The following PRKCA variants were observed in gnomAD, a reference collection of about 807,000 sequenced individuals.
PRKCA encodes protein kinase C alpha.
PRKCA carries 27 observed loss-of-function variants against 87.0 expected under a neutral mutation model. The observed-to-expected ratio is 0.31, with a 90% CI of 0.23 to 0.43. The LOEUF (loss-of-function observed/expected upper bound fraction) is 0.43. PRKCA is among the 20% of genes least tolerant of loss of function. The probability of loss-of-function intolerance (pLI) is 1.00; values close to 1 mark genes in which losing one functional copy is unlikely to be tolerated. For missense variants in PRKCA, 518 were observed against 852.3 expected (o/e 0.61, Z 4.88); for synonymous variants, 329 against 311.1 (o/e 1.06, Z -0.61).
rs201635663 is a variant in PRKCA, at chr17:66,652,573, G to A, written c.529+7062G>A. On this transcript the variant is annotated intron_variant, in intron 5 of 16. Coordinates refer to ENST00000413366, the MANE Select transcript of PRKCA (RefSeq NM_002737.3). ...CAGAAATCTGAAAATAGGACCAGGC[G>A]GGGGTTGGGGCCAAGAAGAGAGCGT... Among the ~76,000 whole-genome samples the A allele has an allele frequency of 7.2e-5, 11 of 152,218 alleles. No homozygotes were observed. The East Asian group carries it at 1.5e-3, about 21-fold the overall frequency.
chr17:66,779,551 A>G (rs1328003550), intron 14 of PRKCA, among the ~76,000 whole-genome samples: 1 of 152,120 alleles, frequency 6.6e-6, no homozygotes, highest in East Asian at 1.9e-4. Flanking sequence ...CCAGGGGAGC[A>G]TGCCTAGCCC....
At chr17:66,554,391 G>A (rs1598764151) in intron 3 of PRKCA, 1 of 258,982 alleles carries the variant, frequency 3.9e-6, no homozygotes, top group East Asian at 1.8e-4. Flanking sequence ...TGACCCAGAA[G>A]ATTTTTAGAG....
At chr17:66,423,040 G>A (rs548524691) in intron 2 of PRKCA, among the ~76,000 whole-genome samples, 2 of 152,266 alleles carry the variant, frequency 1.3e-5, no homozygotes, top group Non-Finnish European at 2.9e-5. Context: ...GAACCAGGGA[G>A]GTGGAGGTTG....
chr17:66,381,845 T>G (rs958126979), intron 2 of PRKCA, among the ~76,000 whole-genome samples: 1 of 152,152 alleles, frequency 6.6e-6, no homozygotes, highest in Non-Finnish European at 1.5e-5. Context: ...ATGTGGCCAG[T>G]CAAAATAGGA....
chr17:66,776,252 G>A (rs908696713), intron 14 of PRKCA, among the ~76,000 whole-genome samples: 7 of 152,202 alleles, frequency 4.6e-5, no homozygotes, highest in African/African-American at 1.7e-4. Context: ...CTCCTCAGAA[G>A]AAAGAATTTG....
intron 3 of PRKCA, among the ~76,000 whole-genome samples, chr17:66,527,451 A>G (rs1567877240): frequency 6.6e-6 from 1 of 152,172 alleles, no homozygotes; most frequent in Non-Finnish European, 1.5e-5. Context: ...CTTTATTATT[A>G]ATGTTTTGTG....
intron 2 of PRKCA, among the ~76,000 whole-genome samples, chr17:66,408,047 A>G (rs995434332): frequency 6.6e-6 from 1 of 152,210 alleles, no homozygotes; most frequent in African/African-American, 2.4e-5. Flanking sequence ...GGTTATGCTC[A>G]ATTACGTATT....
intron 3 of PRKCA, among the ~76,000 whole-genome samples, chr17:66,545,239 T>C (rs568265988): frequency 1.4e-4 from 22 of 152,180 alleles, no homozygotes; most frequent in African/African-American, 3.4e-4. Context: ...CCATCCTGGC[T>C]AACACGGTGA....
chr17:66,502,627 G>C (rs886795852), intron 3 of PRKCA, among the ~76,000 whole-genome samples: 3 of 151,454 alleles, frequency 2.0e-5, no homozygotes, highest in African/African-American at 7.3e-5. Context: ...CCTGCTCTTA[G>C]GGCCACAATG....
chr17:66,435,086 A>G (rs769306242), intron 2 of PRKCA, among the ~76,000 whole-genome samples: 2 of 152,228 alleles, frequency 1.3e-5, no homozygotes, highest in Non-Finnish European at 2.9e-5. Context: ...TGAATGAAAT[A>G]AATAAATTCA....
chr17:66,685,565 T>C (rs976499466), intron 5 of PRKCA, among the ~76,000 whole-genome samples: 1 of 152,184 alleles, frequency 6.6e-6, no homozygotes, highest in Non-Finnish European at 1.5e-5. Context: ...ATCTGTTACC[T>C]ACCTATGTAA....
At chr17:66,511,485 G>C (rs966963889) in intron 3 of PRKCA, among the ~76,000 whole-genome samples, 1 of 152,096 alleles carries the variant, frequency 6.6e-6, no homozygotes, top group Non-Finnish European at 1.5e-5. Flanking sequence ...CATCGTAATC[G>C]TTGTTTTTTC....
At chr17:66,710,890 A>G (rs1973309472) in intron 8 of PRKCA, among the ~76,000 whole-genome samples, 1 of 151,900 alleles carries the variant, frequency 6.6e-6, no homozygotes, top group South Asian at 2.1e-4. Flanking sequence ...AAAAAATACA[A>G]AAATTAGCCA....
At chr17:66,339,414 G>A (rs1906903748) in intron 2 of PRKCA, among the ~76,000 whole-genome samples, 1 of 152,064 alleles carries the variant, frequency 6.6e-6, no homozygotes, top group Non-Finnish European at 1.5e-5. Flanking sequence ...CTTGGAATAA[G>A]ATCCCTCTCA....
At chr17:66,764,059 G>A (rs1267062218) in intron 13 of PRKCA, among the ~76,000 whole-genome samples, 3 of 152,166 alleles carry the variant, frequency 2.0e-5, no homozygotes, top group Non-Finnish European at 2.9e-5. Context: ...TGCCAAAGCC[G>A]ATGACCAGGG....
At chr17:66,326,612 A>G (rs1166017916) in intron 2 of PRKCA, among the ~76,000 whole-genome samples, 1 of 152,218 alleles carries the variant, frequency 6.6e-6, no homozygotes, top group East Asian at 1.9e-4. Flanking sequence ...CAGACAACTC[A>G]GTAATTGTGT....
chr17:66,797,001 T>C, intron 16 of PRKCA: 14 of 977,854 alleles, frequency 1.4e-5, no homozygotes, highest in Middle Eastern at 5.3e-4. Flanking sequence ...GGTTTTGCTT[T>C]TTAACAGCAG....
At chr17:66,347,495 T>G (rs1352193824) in intron 2 of PRKCA, among the ~76,000 whole-genome samples, 2 of 152,216 alleles carry the variant, frequency 1.3e-5, no homozygotes, top group Non-Finnish European at 2.9e-5. Flanking sequence ...TGAAACCGTG[T>G]CTGTGTTTCA....
intron 2 of PRKCA, among the ~76,000 whole-genome samples, chr17:66,372,874 C>T (rs1006758268): frequency 1.3e-5 from 2 of 152,056 alleles, no homozygotes; most frequent in Non-Finnish European, 2.9e-5. Flanking sequence ...CTGCCCAACA[C>T]GGTGAAAACC....
Sources: gnomAD v4.1 joint callset for allele counts (sites outside exome capture counted in the v4.1 genomes callset) on GRCh38, gnomAD v4.1.1 for gene constraint, MANE v1.5 for transcripts, NCBI Gene and HGNC (gene_info 2026-07-23, HGNC 2026-07-21) for gene names.